The following UBR3 variants were observed in gnomAD, a reference collection of about 807,000 sequenced individuals.
UBR3 encodes the protein E3 ubiquitin-protein ligase UBR3.
Under a neutral mutation model 243.2 loss-of-function variants are expected in UBR3, and 85 were observed. The ratio of observed to expected loss-of-function variants is 0.35; its 90% CI spans 0.29 to 0.42. The LOEUF (loss-of-function observed/expected upper bound fraction) is 0.42, where lower values mean the gene tolerates loss of function less well. Among genes scored for constraint, UBR3 ranks in the 10% least tolerant of loss-of-function variants. The pLI, the probability that UBR3 is intolerant of heterozygous loss-of-function variation, is 1.00. For missense variants in UBR3, 1,686 were observed against 2,300.8 expected, an observed-to-expected ratio of 0.73 and a Z score of 5.47; for synonymous variants, 748 against 799.8, an observed-to-expected ratio of 0.94 and a Z score of 1.09.
At chr2:169,969,512 T>C (rs1419651657) in intron 24 of UBR3, among the ~76,000 whole-genome samples, 2 of 152,010 alleles carry the variant, frequency 1.3e-5, no homozygotes, top group African/African-American at 4.8e-5. Context: ...AATATGTGTA[T>C]TTATTTCTGT....
intron 25 of UBR3, 33 bp downstream of exon 25, chr2:169,986,827 T>G: frequency 6.2e-7 from 1 of 1,610,094 alleles, no homozygotes; most frequent in Non-Finnish European, 8.5e-7. Context: ...ATGGGAACAT[T>G]TTAGAGCTGA....
At chr2:169,935,852 GA>G (rs1333926625) in intron 19 of UBR3, among the ~76,000 whole-genome samples, 1 of 152,020 alleles carries the variant, frequency 6.6e-6, no homozygotes, top group Non-Finnish European at 1.5e-5. Flanking sequence ...CTTTATTTTG[GA>G]ACAATTTATT....
intron 24 of UBR3, among the ~76,000 whole-genome samples, chr2:169,985,478 G>T (rs546462032): frequency 6.6e-6 from 1 of 151,812 alleles, no homozygotes; most frequent in Non-Finnish European, 1.5e-5. Flanking sequence ...TGATCCGCCC[G>T]CCTCAGCCTC....
chr2:169,941,300 T>C (rs1199806452), intron 19 of UBR3, among the ~76,000 whole-genome samples: 1 of 152,178 alleles, frequency 6.6e-6, no homozygotes, highest in African/African-American at 2.4e-5. Flanking sequence ...ATCCAAACCC[T>C]ATATATACTA....
At chr2:169,892,151 C>G (rs1359810232) in intron 6 of UBR3, among the ~76,000 whole-genome samples, 1 of 152,148 alleles carries the variant, frequency 6.6e-6, no homozygotes, top group East Asian at 1.9e-4. Flanking sequence ...CTGCATTTAA[C>G]TTGGGGGTTG....
chr2:169,913,016 C>T (rs1423540543), intron 10 of UBR3, among the ~76,000 whole-genome samples: 1 of 152,202 alleles, frequency 6.6e-6, no homozygotes, highest in Non-Finnish European at 1.5e-5. Context: ...CTCCTGGCCT[C>T]AAGTGATCCT....
At chr2:170,062,540 T>C (rs2091476509) in intron 35 of UBR3, among the ~76,000 whole-genome samples, 1 of 152,236 alleles carries the variant, frequency 6.6e-6, no homozygotes, top group South Asian at 2.1e-4. Context: ...CTTAGAATAA[T>C]CATTCATTAG....
intron 1 of UBR3, among the ~76,000 whole-genome samples, chr2:169,829,814 T>TACACACACACACACACACACACACAC (rs10530118): frequency 6.7e-6 from 1 of 149,116 alleles, no homozygotes; most frequent in Non-Finnish European, 1.5e-5. Context: ...AGCTAAAAAG[T>TACACACACACACACACACACACACAC]ACACACACAC....
At chr2:169,865,035 G>A (rs781328010) in intron 1 of UBR3, among the ~76,000 whole-genome samples, 4 of 151,858 alleles carry the variant, frequency 2.6e-5, no homozygotes, top group Admixed American at 1.3e-4. Flanking sequence ...GTGGTGAGCC[G>A]AGATGGCACC....
intron 31 of UBR3, among the ~76,000 whole-genome samples, chr2:170,031,374 T>A (rs922303702): frequency 6.6e-6 from 1 of 152,164 alleles, no homozygotes; most frequent in Non-Finnish European, 1.5e-5. Context: ...AAAGTTTTTT[T>A]AATATAGTCA....
intron 14 of UBR3, among the ~76,000 whole-genome samples, 155 bp from the exon 15 acceptor site, chr2:169,926,537 G>C (rs1240157804): frequency 2.0e-5 from 3 of 152,126 alleles, no homozygotes; most frequent in Non-Finnish European, 4.4e-5. Context: ...GGAGGTTGCA[G>C]TGAGCTGAGG....
intron 6 of UBR3, among the ~76,000 whole-genome samples, chr2:169,891,478 T>C (rs2084372287): frequency 6.6e-6 from 1 of 152,186 alleles, no homozygotes; most frequent in African/African-American, 2.4e-5. Flanking sequence ...GGAAGTCTTT[T>C]CATTGATTGA....
At chr2:169,948,040 A>G (rs2086853610) in intron 22 of UBR3, 2 of 604,806 alleles carry the variant, frequency 3.3e-6, no homozygotes, top group Non-Finnish European at 4.1e-6. Flanking sequence ...TTTAATTAAT[A>G]TGGTTAAATT....
intron 35 of UBR3, 69 bp downstream of exon 35, chr2:170,061,512 G>A: frequency 3.8e-6 from 6 of 1,572,996 alleles, no homozygotes; most frequent in Middle Eastern, 1.7e-4. Flanking sequence ...CTGTTGCCCA[G>A]ACTGGAGTGC....
chr2:170,024,783 T>C (rs1323345213), intron 30 of UBR3, among the ~76,000 whole-genome samples: 2 of 152,192 alleles, frequency 1.3e-5, no homozygotes, highest in African/African-American at 2.4e-5. Flanking sequence ...TAATGATGTG[T>C]CTGTCTTGTG....
At chr2:169,864,260 A>G (rs1286306218) in intron 1 of UBR3, among the ~76,000 whole-genome samples, 1 of 152,030 alleles carries the variant, frequency 6.6e-6, no homozygotes, top group East Asian at 1.9e-4. Context: ...TGCCCAGGCT[A>G]GAAATAATTT....
chr2:169,847,004 C>T (rs1434151617), intron 1 of UBR3, among the ~76,000 whole-genome samples: 2 of 151,976 alleles, frequency 1.3e-5, no homozygotes, highest in African/African-American at 2.4e-5. Context: ...TTTCAAAGTG[C>T]TGGGATTATA....
At chr2:169,902,643 T>C (rs2084872784) in intron 8 of UBR3, among the ~76,000 whole-genome samples, 1 of 149,500 alleles carries the variant, frequency 6.7e-6, no homozygotes, top group Non-Finnish European at 1.5e-5. Flanking sequence ...GGAGCCTTGC[T>C]CTGTCACTTA....
In UBR3 at chr2:170,017,522, G is replaced by GAC. The variant is rs66540837; in HGVS notation, c.4453+2178_4453+2179dup. Among the ~76,000 whole-genome samples, 126 of 145,244 alleles carry GAC rather than the reference G, an allele frequency of 8.7e-4. 1 individual carries two copies. The East Asian group carries it at 0.017, about 19-fold the overall frequency. On this transcript the variant is annotated intron_variant, in intron 30 of 38. Coordinates refer to ENST00000272793, the MANE Select transcript of UBR3 (RefSeq NM_172070.4). ...GCGTAATGCCTGGTATATAATTACG[G>GAC]ACACACACACACACACACACACAGA...
Sources: gnomAD v4.1 joint callset for allele counts (sites outside exome capture counted in the v4.1 genomes callset) on GRCh38, gnomAD v4.1.1 for gene constraint, MANE v1.5 for transcripts, NCBI Gene and HGNC (gene_info 2026-07-23, HGNC 2026-07-21) for gene names.